The following MCTP2 variants were observed in gnomAD, a reference collection of about 807,000 sequenced individuals.
MCTP2 encodes multiple C2 and transmembrane domain containing 2, also known as multiple C2 and transmembrane domain-containing protein 2.
A neutral mutation model predicts 111.6 loss-of-function variants in MCTP2; 132 were observed. The ratio of observed to expected loss-of-function variants is 1.18; its 90% confidence interval spans 1.03 to 1.37. The LOEUF (loss-of-function observed/expected upper bound fraction) is 1.37, where lower values mean the gene tolerates loss of function less well. Among genes scored for constraint, MCTP2 ranks in the 40% most tolerant of loss-of-function variants. The pLI is 0.00. For synonymous variants in MCTP2, 395 were observed against 387.7 expected, an observed-to-expected ratio of 1.02 and a Z score of -0.22; for missense variants, 1,183 against 1,067.9, an observed-to-expected ratio of 1.11 and a Z score of -1.50.
At chr15:94,414,572 G>A (rs2082294325) in intron 17 of MCTP2, among the ~76,000 whole-genome samples, 3 of 152,312 alleles carry the variant, frequency 2.0e-5, no homozygotes, top group South Asian at 4.1e-4. Context: ...TGTTCATCAG[G>A]AAATAGGTTA....
Position 94,323,281 on chromosome 15 carries a change from C to T in MCTP2, c.637+7644C>T, listed in dbSNP as rs111819908. ...TTGTATAGTTGCCACCAGGACACCT[C>T]AGGGTCTTTAGCTGTGGCCTCTCAG... On this transcript the variant is annotated intron_variant, in intron 4 of 22. Coordinates refer to ENST00000357742, the MANE Select transcript of MCTP2 (RefSeq NM_001385001.1). Among the ~76,000 whole-genome samples the T allele has an allele frequency of 1.3e-3, 200 of 152,254 alleles. 1 individual carries two copies. Among genetic ancestry groups the T allele is most frequent in the African/African-American group, 4.6e-3 (189 of 41,538 alleles).
chr15:94,307,221 T>C (rs928259975), intron 2 of MCTP2, among the ~76,000 whole-genome samples: 1 of 152,024 alleles, frequency 6.6e-6, no homozygotes. Context: ...AAGCTATAGA[T>C]ATAATCAGAA....
chr15:94,473,750 G>C (rs3784638), intron 21 of MCTP2, among the ~76,000 whole-genome samples: 5,535 of 152,140 alleles, frequency 0.036, 211 homozygotes, highest in South Asian at 0.12. Context: ...TTTTTACATG[G>C]AAGACACTCA....
intron 17 of MCTP2, among the ~76,000 whole-genome samples, chr15:94,437,545 G>A (rs538589336): frequency 2.0e-5 from 3 of 152,090 alleles, no homozygotes; most frequent in African/African-American, 4.8e-5. Flanking sequence ...ATTATGAAAT[G>A]TTAATATCAA....
At position 94,358,511 on chromosome 15, in the gene MCTP2, G is replaced by T; in HGVS notation, c.1200G>T (p.Trp400Cys). ...KTLCKSANPQ[W>C]QEQFDFHYFS... ...TGTGTAAGAGTGCAAATCCGCAGTG[G>T]CAGGAACAGTTTGACTTTCACTACT... The change falls in exon 10 of 23, where the codon TGG becomes TGT. Residue 400 changes from tryptophan to cysteine, a missense_variant. Physicochemically the swap from Trp to Cys is radical, Grantham distance 215. Transcript: ENST00000357742. 1 of 1,613,602 alleles carries T rather than the reference G, an allele frequency of 6.2e-7. No individual in the cohort carries two copies. Among genetic ancestry groups the T allele is most frequent in the Non-Finnish European group, 8.5e-7 (1 of 1,179,634 alleles).
At chr15:94,368,354 G>A (rs2079308310) in intron 11 of MCTP2, among the ~76,000 whole-genome samples, 1 of 152,154 alleles carries the variant, frequency 6.6e-6, no homozygotes, top group Non-Finnish European at 1.5e-5. Flanking sequence ...TAAATGAAAT[G>A]GCTGTGTCCT....
intron 1 of MCTP2, among the ~76,000 whole-genome samples, chr15:94,245,123 T>G (rs2071709840): frequency 6.7e-6 from 1 of 149,290 alleles, no homozygotes; most frequent in African/African-American, 2.4e-5. Flanking sequence ...TGTATATGTA[T>G]ACACATGTGT....
intron 1 of MCTP2, among the ~76,000 whole-genome samples, chr15:94,248,478 T>C (rs1232272572): frequency 6.6e-6 from 1 of 152,216 alleles, no homozygotes; most frequent in East Asian, 1.9e-4. Context: ...CTGTGTTTAC[T>C]TTCCAATTAC....
chr15:94,284,234 C>T (rs1181673353), intron 1 of MCTP2, among the ~76,000 whole-genome samples: 1 of 152,208 alleles, frequency 6.6e-6, no homozygotes, highest in Admixed American at 6.5e-5. Flanking sequence ...TTTGCACACA[C>T]TATGAGTTAT....
In MCTP2 at chr15:94,362,369, AGAATTTTCTAGACT is replaced by A. The variant is rs529300953; in HGVS notation, c.1301+3758_1301+3771del. On this transcript the variant is annotated intron_variant, in intron 10 of 22. Transcript: ENST00000357742. Reference sequence around the variant, plus strand: ...GGGATTCTACAGATTAACTCATTATAGAATTTTCTAGACTTAATTTAGTTTGGAAAGGTTGAGAA... The same window carrying A: ...GGGATTCTACAGATTAACTCATTATATAATTTAGTTTGGAAAGGTTGAGAA... Among the ~76,000 whole-genome samples, 400 of 152,340 alleles carry A rather than the reference AGAATTTTCTAGACT, an allele frequency of 2.6e-3. 2 individuals are homozygous for A. The highest frequency in any genetic ancestry group is 9.4e-3 in the African/African-American group (390 of 41,570).
At chr15:94,325,934 A>C (rs961245603) in intron 4 of MCTP2, among the ~76,000 whole-genome samples, 1 of 148,078 alleles carries the variant, frequency 6.8e-6, no homozygotes, top group Non-Finnish European at 1.5e-5. Flanking sequence ...ATTCTCCTGC[A>C]TCAGCCTCCC....
chr15:94,339,669 G>A (rs533359588), intron 5 of MCTP2, among the ~76,000 whole-genome samples: 1 of 152,150 alleles, frequency 6.6e-6, no homozygotes, highest in Non-Finnish European at 1.5e-5. Flanking sequence ...TCTACCAAAT[G>A]TGGAAGAATT....
chr15:94,276,825 G>C lies in MCTP2; in HGVS notation c.-65-21376G>C, dbSNP rs564536049. Among the ~76,000 whole-genome samples, 8 of 135,418 alleles carry C rather than the reference G, an allele frequency of 5.9e-5. No individual in the cohort carries two copies. In the South Asian group the frequency reaches 1.2e-3, roughly 20 times the overall value. 88.8% of individuals were successfully genotyped at this position (135,418 alleles called of 152,430 possible). On this transcript the variant is annotated intron_variant, in intron 1 of 22. Transcript: ENST00000357742. ...AATTCAGCACTTGTCCATCTTAAGAGCTGTTAGTAAACTAACCCAAAAAAA... is the reference window on the plus strand; with the variant it reads ...AATTCAGCACTTGTCCATCTTAAGACCTGTTAGTAAACTAACCCAAAAAAA...
At chr15:94,236,118 C>T (rs894265684) in intron 1 of MCTP2, among the ~76,000 whole-genome samples, 3 of 152,050 alleles carry the variant, frequency 2.0e-5, no homozygotes, top group Non-Finnish European at 4.4e-5. Flanking sequence ...TATGGATTAC[C>T]CAGCGGGGAG....
chr15:94,382,357 G>A (rs911683871), intron 12 of MCTP2, among the ~76,000 whole-genome samples: 1 of 152,226 alleles, frequency 6.6e-6, no homozygotes, highest in African/African-American at 2.4e-5. Flanking sequence ...TATGTAGACA[G>A]GGACCATTTC....
intron 1 of MCTP2, among the ~76,000 whole-genome samples, chr15:94,244,857 C>T (rs2071651485): frequency 9.0e-6 from 1 of 111,290 alleles, no homozygotes; most frequent in Admixed American, 8.7e-5. Flanking sequence ...TATGTATACA[C>T]ATACATATGC....
intron 17 of MCTP2, among the ~76,000 whole-genome samples, chr15:94,431,850 ACT>A (rs1194791422): frequency 6.6e-6 from 1 of 152,174 alleles, no homozygotes; most frequent in Admixed American, 6.5e-5. Flanking sequence ...TTAAAGATAC[ACT>A]GTTTCAAATA....
At chr15:94,462,744 T>G (rs1596807263) in intron 20 of MCTP2, among the ~76,000 whole-genome samples, 3 of 152,340 alleles carry the variant, frequency 2.0e-5, no homozygotes, top group African/African-American at 4.8e-5. Flanking sequence ...TGAATGATCT[T>G]AGGCAACTTA....
chr15:94,283,404 C>T (rs2152315710), intron 1 of MCTP2, among the ~76,000 whole-genome samples: 1 of 152,292 alleles, frequency 6.6e-6, no homozygotes, highest in East Asian at 1.9e-4. Context: ...TAGTCCCATG[C>T]CAACCCCCCT....
Sources: allele counts gnomAD v4.1 joint callset (sites outside exome capture counted in the v4.1 genomes callset), GRCh38; gene constraint gnomAD v4.1.1; transcripts MANE v1.5; gene names NCBI Gene and HGNC (gene_info 2026-07-23, HGNC 2026-07-21).